Variants in TRPC6 observed in about 807,000 individuals in gnomAD.
The protein encoded by TRPC6 is short transient receptor potential channel 6.
A neutral mutation model predicts 90.7 loss-of-function variants in TRPC6; 55 were observed. The observed-to-expected ratio is 0.61, with a 90% CI of 0.49 to 0.76. The LOEUF is 0.76. Among genes scored for constraint, TRPC6 ranks in the 30% least tolerant of loss-of-function variants. TRPC6 has a pLI of 0.00. For synonymous variants in TRPC6, 393 were observed against 393.0 expected, an observed-to-expected ratio of 1.00 and a Z score of 0.00; for missense variants, 989 against 1,122.7, an observed-to-expected ratio of 0.88 and a Z score of 1.70.
At chr11:101,516,983 T>C (rs1186118316) in intron 1 of TRPC6, among the ~76,000 whole-genome samples, 3 of 152,248 alleles carry the variant, frequency 2.0e-5, no homozygotes, top group Non-Finnish European at 2.9e-5. Context: ...TTGCCCACAT[T>C]TTTTTAAAAC....
chr11:101,500,663 T>A (rs1028674890), intron 2 of TRPC6, among the ~76,000 whole-genome samples: 2 of 152,210 alleles, frequency 1.3e-5, no homozygotes, highest in African/African-American at 4.8e-5. Flanking sequence ...CATATATATG[T>A]GTGTGTTATA....
chr11:101,526,562 G>T lies in TRPC6; in HGVS notation c.171-21764C>A, dbSNP rs549118009. On this transcript the variant is annotated intron_variant, in intron 1 of 12. Coordinates refer to ENST00000344327, the MANE Select transcript of TRPC6 (RefSeq NM_004621.6). ...CAGAATTTTCTGAACATCAGAAGAT[G>T]ATTTAATTAAATAGTCTTGGCTGGG... is the stretch of plus-strand genomic sequence containing the variant. 1.6e-3 allele frequency among the ~76,000 whole-genome samples: 245 copies of T among 152,046 alleles called. 1 individual carries two copies. Among genetic ancestry groups the T allele is most frequent in the Non-Finnish European group, 2.9e-3 (198 of 67,986 alleles).
At chr11:101,482,850 C>T in intron 5 of TRPC6, 99 bp downstream of exon 5, 1 of 1,228,054 alleles carries the variant, frequency 8.1e-7, no homozygotes, top group Non-Finnish European at 1.2e-6. Context: ...CTGTATCATG[C>T]TGCATACATT....
intron 1 of TRPC6, among the ~76,000 whole-genome samples, chr11:101,540,484 A>C (rs1164749503): frequency 6.6e-6 from 1 of 152,192 alleles, no homozygotes; most frequent in East Asian, 1.9e-4. Context: ...TGTAGTGTTA[A>C]ATGACTGCAT....
chr11:101,456,478 T>G (rs1398238461), intron 10 of TRPC6, among the ~76,000 whole-genome samples: 5 of 152,184 alleles, frequency 3.3e-5, no homozygotes, highest in Admixed American at 2.0e-4. Flanking sequence ...TGATAAAGCA[T>G]GCAGGTAAGG....
chr11:101,577,471 A>T (rs186074925), intron 1 of TRPC6, among the ~76,000 whole-genome samples: 1 of 152,308 alleles, frequency 6.6e-6, no homozygotes, highest in South Asian at 2.1e-4. Flanking sequence ...AAAGGAGTAG[A>T]CATATCTAAT....
rs114094519 is a variant in TRPC6, at chr11:101,580,284, T to C, written c.170+3050A>G. ...ATGAACTGTAAACATACCTTTAAAG[T>C]TCTAAATAAAGGAAATCTGAAATGC... On this transcript the variant is annotated intron_variant, in intron 1 of 12. Transcript: ENST00000344327. 4.0e-3 allele frequency among the ~76,000 whole-genome samples: 608 copies of C among 152,212 alleles called. 9 individuals carry two copies. Among genetic ancestry groups the C allele is most frequent in the African/African-American group, 0.014 (584 of 41,536 alleles).
At chr11:101,508,785 T>G (rs182670430) in intron 1 of TRPC6, among the ~76,000 whole-genome samples, 7 of 152,072 alleles carry the variant, frequency 4.6e-5, no homozygotes, top group African/African-American at 1.7e-4. Context: ...GCAAGATAAG[T>G]TCTCATGTAA....
chr11:101,469,002 C>A (rs914940404), intron 10 of TRPC6, among the ~76,000 whole-genome samples: 2 of 152,118 alleles, frequency 1.3e-5, no homozygotes, highest in African/African-American at 4.8e-5. Context: ...ACGGTGTCGA[C>A]CACAATAGCC....
intron 1 of TRPC6, chr11:101,583,108 G>T: frequency 1.1e-6 from 1 of 938,944 alleles, no homozygotes; most frequent in Non-Finnish European, 1.3e-6. Flanking sequence ...ACATATCCAT[G>T]CGTACCTACG....
intron 11 of TRPC6, among the ~76,000 whole-genome samples, chr11:101,454,613 T>G (rs1357389124): frequency 6.6e-6 from 1 of 151,526 alleles, no homozygotes; most frequent in African/African-American, 2.4e-5. Context: ...GTATTATATA[T>G]GCATTTTATA....
intron 1 of TRPC6, among the ~76,000 whole-genome samples, chr11:101,550,858 C>T (rs1480805846): frequency 1.3e-5 from 2 of 151,574 alleles, no homozygotes; most frequent in African/African-American, 4.8e-5. Context: ...ATGTGCTTAA[C>T]TATACATTCA....
chr11:101,453,130 A>T (rs1858802065), intron 12 of TRPC6, 24 bp from the exon 13 acceptor site: 1 of 1,495,874 alleles, frequency 6.7e-7, no homozygotes, highest in East Asian at 2.2e-5. Context: ...AGTGATAAGA[A>T]GTCAACTATA....
intron 10 of TRPC6, 145 bp downstream of exon 10, chr11:101,469,280 CAG>C (rs1236828014): frequency 7.9e-6 from 5 of 630,282 alleles, no homozygotes. Flanking sequence ...CTCTCAATAA[CAG>C]AATTGTTGAG....
At chr11:101,476,824 T>C (rs992966304) in intron 5 of TRPC6, among the ~76,000 whole-genome samples, 1 of 152,190 alleles carries the variant, frequency 6.6e-6, no homozygotes, top group African/African-American at 2.4e-5. Flanking sequence ...ATGTTTATTG[T>C]AGGATACTTT....
At chr11:101,541,528 A>T (rs1299737775) in intron 1 of TRPC6, among the ~76,000 whole-genome samples, 4 of 138,026 alleles carry the variant, frequency 2.9e-5, no homozygotes, top group Admixed American at 7.0e-5. Context: ...CGCCCGGGTA[A>T]TTTTTTGTAT....
At position 101,523,654 on chromosome 11, in the gene TRPC6, A is replaced by C. The variant is rs533492277; in HGVS notation, c.171-18856T>G. 2.6e-5 allele frequency among the ~76,000 whole-genome samples: 4 copies of C among 152,344 alleles called. No individual in the cohort carries two copies. In the East Asian group the frequency reaches 5.8e-4, roughly 22 times the overall value. ...TTTCTCTTAGTTTAGACAGGAGTTC[A>C]TTTCACAGATACTTATTGTTAGCTG... is the stretch of plus-strand genomic sequence containing the variant. On this transcript the variant is annotated intron_variant, in intron 1 of 12. Transcript: ENST00000344327.
chr11:101,544,795 G>A (rs7935364), intron 1 of TRPC6, among the ~76,000 whole-genome samples: 4,896 of 152,092 alleles, frequency 0.032, 260 homozygotes, highest in African/African-American at 0.099. Context: ...GGGTTGATGG[G>A]TGCAGCAAAC....
intron 1 of TRPC6, among the ~76,000 whole-genome samples, chr11:101,558,136 G>A (rs534224794): frequency 1.1e-4 from 16 of 151,092 alleles, no homozygotes; most frequent in South Asian, 6.3e-4. Flanking sequence ...AAAATCTAGC[G>A]CATAAGAGCA....
Sources: gnomAD v4.1 joint callset for allele counts (sites outside exome capture counted in the v4.1 genomes callset) on GRCh38, gnomAD v4.1.1 for gene constraint, MANE v1.5 for transcripts, NCBI Gene and HGNC (gene_info 2026-07-23, HGNC 2026-07-21) for gene names.